Variants in CLUAP1 observed in about 807,000 individuals in gnomAD.
CLUAP1 encodes intraflagellar transport 38.
In CLUAP1, 50 loss-of-function variants were observed where a neutral mutation model predicts 55.0. The ratio of observed to expected loss-of-function variants is 0.91; its 90% CI spans 0.72 to 1.15. The LOEUF (loss-of-function observed/expected upper bound fraction) is 1.15, where lower values mean the gene tolerates loss of function less well. CLUAP1 is among the 50% of genes most tolerant of loss of function. CLUAP1 has a pLI of 0.00. For synonymous variants in CLUAP1, 195 were observed against 175.4 expected, an observed-to-expected ratio of 1.11 and a Z score of -0.88; for missense variants, 530 against 507.6, an observed-to-expected ratio of 1.04 and a Z score of -0.42.
chr16:3,522,246 C>T (rs2037852442), intron 7 of CLUAP1, among the ~76,000 whole-genome samples: 1 of 151,974 alleles, frequency 6.6e-6, no homozygotes, highest in Non-Finnish European at 1.5e-5. Context: ...TCACTGCAAC[C>T]TCCACCTCCC....
chr16:3,517,391 C>G (rs900425686), intron 6 of CLUAP1, among the ~76,000 whole-genome samples: 2 of 152,192 alleles, frequency 1.3e-5, no homozygotes, highest in Non-Finnish European at 2.9e-5. Context: ...ACTGCAATCT[C>G]TGCCTCCTGG....
intron 5 of CLUAP1, among the ~76,000 whole-genome samples, chr16:3,513,586 A>C (rs1288922718): frequency 6.6e-6 from 1 of 152,020 alleles, no homozygotes; most frequent in African/African-American, 2.4e-5. Context: ...AGTAGCTGCA[A>C]TTACAGATAT....
rs73503334 is a variant in CLUAP1, at chr16:3,515,640, A to G, written c.579+49A>G. On this transcript the variant is annotated intron_variant, in intron 6 of 11. Transcript: ENST00000576634. ...AATGTTTTTTATGCCTGGGATTCAA[A>G]AATACTGATTTCTTGCCCATACAAG... 4.0e-4 allele frequency: 520 copies of G among 1,286,548 alleles called. No homozygotes were observed. In the African/African-American group the frequency reaches 6.9e-3, roughly 17 times the overall value. The allele number at this position is 1,286,548 out of a possible 1,614,324, so 79.7% of individuals were successfully genotyped here.
chr16:3,501,159 C>T, intron 1 of CLUAP1, 70 bp downstream of exon 1: 2 of 1,466,466 alleles, frequency 1.4e-6, no homozygotes, highest in Non-Finnish European at 1.8e-6. Flanking sequence ...CGCCGGGTCC[C>T]CTGTGTAGGC....
At chr16:3,529,759 T>TATA (rs2038063841) in intron 9 of CLUAP1, among the ~76,000 whole-genome samples, 1 of 50,238 alleles carries the variant, frequency 2.0e-5, no homozygotes, top group African/African-American at 8.2e-5. Context: ...TATTATATAA[T>TATA]ATATATTATA....
chr16:3,530,811 G>C (rs2038100973), intron 10 of CLUAP1, 136 bp downstream of exon 10: 1 of 630,388 alleles, frequency 1.6e-6, no homozygotes, highest in Non-Finnish European at 2.8e-6. Context: ...CTCTTGCTCA[G>C]GTTTATCCTG....
rs377216462 is a variant in CLUAP1 at position 3,526,482 on chromosome 16, G to A, written c.926G>A (p.Gly309Glu). The change falls in exon 9 of 12, where the codon GGA becomes GAA. Residue 309 changes from glycine to glutamate, a missense_variant and splice_region_variant. By Grantham distance (98) the Gly-to-Glu change is moderately conservative. Coordinates refer to ENST00000576634, the MANE Select transcript of CLUAP1 (RefSeq NM_015041.3). Reference sequence around the variant, plus strand: ...GAAGAGAAGCGCCTGCTCAAGAGTGGAAGTAAGGCTGGGCTTCGTAGACGA... The same window carrying A: ...GAAGAGAAGCGCCTGCTCAAGAGTGAAAGTAAGGCTGGGCTTCGTAGACGA... ...KEEEKRLLKS[G>E]SNDDSDIDIQ... 1.7e-5 allele frequency: 28 copies of A among 1,604,434 alleles called. No homozygotes were observed. Among genetic ancestry groups the A allele is most frequent in the African/African-American group, 5.4e-5 (4 of 74,368 alleles).
intron 6 of CLUAP1, among the ~76,000 whole-genome samples, chr16:3,517,912 G>A (rs1370458973): frequency 6.6e-6 from 1 of 152,196 alleles, no homozygotes; most frequent in East Asian, 1.9e-4. Flanking sequence ...GAGGGAGGCT[G>A]TGGAGATGTG....
upstream of CLUAP1, among the ~76,000 whole-genome samples, chr16:3,497,502 C>G (rs2037327149): frequency 6.6e-6 from 1 of 152,146 alleles, no homozygotes. Flanking sequence ...GTGCTCAGTA[C>G]AATTCTTATC....
chr16:3,532,527 G>A (rs2038145394), intron 10 of CLUAP1, among the ~76,000 whole-genome samples: 1 of 145,430 alleles, frequency 6.9e-6, no homozygotes, highest in South Asian at 2.2e-4. Flanking sequence ...CGAGTCTCCT[G>A]CCTCAGCCTC....
chr16:3,528,044 A>G (rs1200089642), intron 9 of CLUAP1, among the ~76,000 whole-genome samples: 1 of 152,004 alleles, frequency 6.6e-6, no homozygotes, highest in Non-Finnish European at 1.5e-5. Context: ...TTGTGTCTTT[A>G]TTTCTACAGT....
intron 9 of CLUAP1, among the ~76,000 whole-genome samples, chr16:3,530,297 GACTTTAGTTTACCTGCTC>G (rs1431119348): frequency 2.0e-5 from 3 of 152,072 alleles, no homozygotes; most frequent in Non-Finnish European, 2.9e-5. Flanking sequence ...AATAGCAATT[GACTTTAGTTTACCTGCTC>G]ACTTCTCAGG....
At chr16:3,496,103 T>G (rs2037305091), upstream of CLUAP1, 1 of 365,930 alleles carries the variant, frequency 2.7e-6, no homozygotes, top group Non-Finnish European at 5.3e-6. Flanking sequence ...ATCGCGCCAC[T>G]GCACTCCAGC....
At chr16:3,532,697 A>G (rs1317988646) in intron 10 of CLUAP1, 89 bp from the exon 11 acceptor site, 12 of 1,405,988 alleles carry the variant, frequency 8.5e-6, no homozygotes, top group South Asian at 7.1e-5. Context: ...AAAAGCCAAC[A>G]TGCCTGGCCA....
At chr16:3,522,016 A>G (rs1596396695) in intron 7 of CLUAP1, among the ~76,000 whole-genome samples, 1 of 152,048 alleles carries the variant, frequency 6.6e-6, no homozygotes, top group African/African-American at 2.4e-5. Flanking sequence ...CCATGATCAC[A>G]CCACTGCACT....
At chr16:3,528,924 G>A (rs2038001363) in intron 9 of CLUAP1, among the ~76,000 whole-genome samples, 1 of 152,144 alleles carries the variant, frequency 6.6e-6, no homozygotes, top group Non-Finnish European at 1.5e-5. Context: ...TGGTTTCAGT[G>A]TCAGCATGCA....
Position 3,506,322 on chromosome 16 carries a change from T to C in CLUAP1, c.135-9T>C. 2.5e-6 allele frequency: 4 copies of C among 1,611,884 alleles called. No individual in the cohort carries two copies. Among genetic ancestry groups the C allele is most frequent in the Non-Finnish European group, 3.4e-6 (4 of 1,178,000 alleles). ...AACCCGTGCTCTCTCCTCTTACCTC[T>C]CTTGATAGATATGAGCCCCAGACTG... On this transcript the variant is annotated splice_polypyrimidine_tract_variant and intron_variant, in intron 2 of 11. Transcript: ENST00000576634.
intron 1 of CLUAP1, 64 bp downstream of exon 1, chr16:3,501,153 G>C (rs964248394): frequency 3.3e-6 from 5 of 1,504,928 alleles, no homozygotes; most frequent in Non-Finnish European, 2.7e-6. Context: ...CCCGCCCGCC[G>C]GGTCCCCTGT....
intron 11 of CLUAP1, chr16:3,533,962 G>A (rs1327855806): frequency 2.0e-5 from 3 of 152,246 alleles, no homozygotes; most frequent in African/African-American, 7.2e-5. Context: ...AGTCGCAGCT[G>A]AGCTTTATGC....
Sources: allele counts gnomAD v4.1 joint callset (sites outside exome capture counted in the v4.1 genomes callset), GRCh38; gene constraint gnomAD v4.1.1; transcripts MANE v1.5; gene names NCBI Gene and HGNC (gene_info 2026-07-23, HGNC 2026-07-21).